The following GMEB1 variants were observed in gnomAD, a reference collection of about 807,000 sequenced individuals.
GMEB1 encodes the protein glucocorticoid modulatory element-binding protein 1.
In GMEB1, 6 loss-of-function variants were observed where a neutral mutation model predicts 52.4. The ratio of observed to expected loss-of-function variants is 0.11; its 90% confidence interval spans 0.06 to 0.23. GMEB1 has a LOEUF of 0.23. GMEB1 is among the 10% of genes least tolerant of loss of function. GMEB1 has a pLI of 1.00. For synonymous variants in GMEB1, 255 were observed against 244.9 expected, an observed-to-expected ratio of 1.04 and a Z score of -0.38; for missense variants, 486 against 685.6, an observed-to-expected ratio of 0.71 and a Z score of 3.25.
chr1:28,717,870 G>C lies in GMEB1; in HGVS notation c.*3097G>C, dbSNP rs1446492871. 1 of 152,124 alleles carries C rather than the reference G, an allele frequency of 6.6e-6. No homozygotes were observed. The highest frequency in any genetic ancestry group is 1.5e-5 in the Non-Finnish European group (1 of 68,046). 9.4% of individuals were successfully genotyped at this position (152,124 alleles called of 1,614,324 possible). A position where few individuals can be genotyped will look rare whatever the true frequency, so the allele number is the denominator to read the frequency against. On this transcript the variant is annotated 3_prime_UTR_variant, in exon 10 of 10. Transcript: ENST00000373816. ...TCAGGTTCCCTTCTTTCCTCCATCA[G>C]AGCTATTGGTAGGGTTTTAAGGTCG... is the stretch of plus-strand genomic sequence containing the variant.
At chr1:28,669,041 G>A (rs1668745812) in intron 1 of GMEB1, among the ~76,000 whole-genome samples, 1 of 145,896 alleles carries the variant, frequency 6.9e-6, no homozygotes, top group South Asian at 2.1e-4. Context: ...CCGCGGGGGG[G>A]TGGGGGGACG....
intron 1 of GMEB1, among the ~76,000 whole-genome samples, chr1:28,678,142 C>T (rs963955775): frequency 2.6e-5 from 4 of 151,036 alleles, no homozygotes; most frequent in East Asian, 3.9e-4. Flanking sequence ...CTAGATCACA[C>T]CACACCACTG....
At chr1:28,688,867 C>T (rs1361939326) in intron 2 of GMEB1, among the ~76,000 whole-genome samples, 2 of 151,096 alleles carry the variant, frequency 1.3e-5, no homozygotes. Context: ...GTACTTGTAG[C>T]AATACTATGC....
chr1:28,692,816 T>C (rs1249196224), intron 4 of GMEB1, 126 bp from the exon 5 acceptor site: 4 of 494,564 alleles, frequency 8.1e-6, no homozygotes, highest in Non-Finnish European at 1.5e-5. Flanking sequence ...GGTTGGATAA[T>C]ACAAGGCTTA....
In GMEB1 at chr1:28,714,093, G is replaced by A; in HGVS notation, c.1012G>A (p.Glu338Lys). The A allele has an allele frequency of 6.2e-7, 1 of 1,610,652 alleles. No homozygotes were observed. The highest frequency in any genetic ancestry group is 8.5e-7 in the Non-Finnish European group (1 of 1,177,108). The change falls in exon 10 of 10, where the codon GAG becomes AAG. Residue 338 changes from glutamate to lysine, a missense_variant. Coordinates refer to ENST00000373816, the MANE Select transcript of GMEB1 (RefSeq NM_001319674.2). The part of the protein sequence containing the change: ...TLTDLERQLE[E>K]QKKQGQDHRL... ...CATAGACTTGGAACGCCAGTTGGAG[G>A]AGCAGAAGAAGCAAGGCCAGGATCA... is the stretch of plus-strand genomic sequence containing the variant.
At chr1:28,675,971 T>TG (rs1313865217) in intron 1 of GMEB1, among the ~76,000 whole-genome samples, 3 of 152,134 alleles carry the variant, frequency 2.0e-5, no homozygotes, top group Non-Finnish European at 4.4e-5. Context: ...AGGTCAGAAT[T>TG]GCCATGTTGA....
At chr1:28,705,719 G>A (rs1354549167) in intron 8 of GMEB1, among the ~76,000 whole-genome samples, 1 of 151,072 alleles carries the variant, frequency 6.6e-6, no homozygotes, top group Non-Finnish European at 1.5e-5. Flanking sequence ...CCAAAGTGCT[G>A]GGATTATAGG....
intron 5 of GMEB1, 120 bp from the exon 6 acceptor site, chr1:28,696,805 CTA>C (rs1670229058): frequency 5.8e-6 from 4 of 686,692 alleles, no homozygotes; most frequent in African/African-American, 1.8e-5. Flanking sequence ...ACTTCTAACA[CTA>C]TTAGGTTTCA....
At chr1:28,688,114 A>G (rs77198128) in intron 2 of GMEB1, among the ~76,000 whole-genome samples, 2 of 152,082 alleles carry the variant, frequency 1.3e-5, no homozygotes, top group African/African-American at 2.4e-5. Context: ...GAGAAACCCC[A>G]TCTCTACTAA....
intron 1 of GMEB1, among the ~76,000 whole-genome samples, chr1:28,670,467 A>T (rs888669766): frequency 1.3e-5 from 2 of 152,150 alleles, no homozygotes; most frequent in African/African-American, 4.8e-5. Context: ...AGCTGGGGCT[A>T]CAGGCGCCCG....
At chr1:28,691,263 A>C (rs975260742) in intron 3 of GMEB1, among the ~76,000 whole-genome samples, 1 of 152,138 alleles carries the variant, frequency 6.6e-6, no homozygotes, top group African/African-American at 2.4e-5. Context: ...ACGCCACTGC[A>C]CTCCAGCCTG....
At chr1:28,704,062 T>C in intron 7 of GMEB1, 130 bp from the exon 8 acceptor site, 7 of 869,464 alleles carry the variant, frequency 8.1e-6, no homozygotes, top group Non-Finnish European at 1.0e-5. Context: ...GCTTATTCCC[T>C]TTTTTCAGGA....
chr1:28,710,147 C>CA (rs1570438131), intron 8 of GMEB1, among the ~76,000 whole-genome samples: 1 of 150,220 alleles, frequency 6.7e-6, no homozygotes, highest in East Asian at 2.0e-4. Flanking sequence ...ACTCTGTCTC[C>CA]AAAAAAAGGA....
In GMEB1 at chr1:28,704,284, A is replaced by G. The variant is rs1235908808; in HGVS notation, c.823A>G (p.Arg275Gly). 1 of 1,613,802 alleles carries G rather than the reference A, an allele frequency of 6.2e-7. No homozygotes were observed. The highest frequency in any genetic ancestry group is 8.5e-7 in the Non-Finnish European group (1 of 1,179,852). Reference protein sequence around the residue: ...NIQKEIEELLRGVQQRLIQAP... With the variant: ...NIQKEIEELLGGVQQRLIQAP... ...ACAGAAGGAAATAGAGGAGCTACTC[A>G]GGGGAGTTCAGCAGCGGCTCATCCA... is the stretch of plus-strand genomic sequence containing the variant. The change falls in exon 8 of 10, where the codon AGG (arginine) becomes GGG (glycine). Residue 275 changes from arginine (R) to glycine (G), a missense_variant. This residue lies in a region of GMEB1 where 200 missense variants were observed against 253.5 expected (regional missense o/e 0.79). Coordinates refer to ENST00000373816, the MANE Select transcript of GMEB1 (RefSeq NM_001319674.2).
intron 8 of GMEB1, among the ~76,000 whole-genome samples, chr1:28,706,867 A>T (rs1570433056): frequency 6.7e-6 from 1 of 149,506 alleles, no homozygotes; most frequent in East Asian, 2.0e-4. Context: ...GGGTTTCACC[A>T]TGTTGGCCAG....
In GMEB1 at chr1:28,690,203, G is replaced by GGTTTTTT. The variant is rs879212606; in HGVS notation, c.211+17_211+18insGTTTTTT. On this transcript the variant is annotated intron_variant, in intron 3 of 9. Transcript: ENST00000373816. ...AAGGGATTGGTAAGGGTTTTTTTGT[G>GGTTTTTT]TTTTTTTTTTTTTTTTTTTTTGTCA... 24 of 516,110 alleles carry GGTTTTTT rather than the reference G, an allele frequency of 4.7e-5. 3 individuals are homozygous for GGTTTTTT. Among genetic ancestry groups the GGTTTTTT allele is most frequent in the Admixed American group, 8.6e-5 (2 of 23,194 alleles). 32.0% of individuals were successfully genotyped at this position (516,110 alleles called of 1,614,324 possible). A position where few individuals can be genotyped will look rare whatever the true frequency, so the allele number is the denominator to read the frequency against.
intron 1 of GMEB1, among the ~76,000 whole-genome samples, chr1:28,673,783 G>A (rs548982344): frequency 6.6e-6 from 1 of 152,238 alleles, no homozygotes; most frequent in East Asian, 1.9e-4. Flanking sequence ...GGAGGCCGAG[G>A]TGAGAGGATT....
chr1:28,668,372 T>C (rs1358205226), upstream of GMEB1, among the ~76,000 whole-genome samples: 4 of 152,030 alleles, frequency 2.6e-5, no homozygotes, highest in African/African-American at 4.8e-5. Context: ...GATCTTCTGA[T>C]TGCAAACTGA....
At chr1:28,690,394 G>A (rs899972432) in intron 3 of GMEB1, among the ~76,000 whole-genome samples, 3 of 151,942 alleles carry the variant, frequency 2.0e-5, no homozygotes, top group Non-Finnish European at 2.9e-5. Flanking sequence ...CAGTTGGTTG[G>A]TTAATGTCAA....
Sources: gnomAD v4.1 joint callset for allele counts (sites outside exome capture counted in the v4.1 genomes callset) on GRCh38, gnomAD v4.1.1 for gene constraint, gnomAD v4.1.1 regional missense constraint, MANE v1.5 for transcripts, NCBI Gene and HGNC (gene_info 2026-07-23, HGNC 2026-07-21) for gene names.